Variants in NUP214 observed in about 807,000 individuals in gnomAD.
The protein encoded by NUP214 is nucleoporin 214.
NUP214 carries 79 observed loss-of-function variants against 196.2 expected under a neutral mutation model. The ratio of observed to expected loss-of-function variants is 0.40; its 90% confidence interval spans 0.34 to 0.49. The LOEUF is 0.49. Ranked by LOEUF, NUP214 falls within the 20% of genes least tolerant of loss-of-function variation. The pLI is 0.58. For missense variants in NUP214, 2,468 were observed against 2,539.0 expected (o/e 0.97, Z 0.60); for synonymous variants, 1,020 against 990.5 (o/e 1.03, Z -0.56).
rs918635967 is a variant in NUP214, at chr9:131,198,214, G to A, written c.4720G>A (p.Val1574Ile). The change falls in exon 29 of 36, where the codon GTC becomes ATC. Residue 1574 changes from valine to isoleucine, a missense_variant. Around this residue, in one of 5 missense-constraint regions of NUP214, gnomAD observed 1,801 missense variants for 1,779.4 expected, o/e 1.01. Transcript: ENST00000359428. ...SAEATPATTG[V>I]PDARTEAVPP... is the part of the protein sequence containing the mutation. Reference sequence around the variant, plus strand: ...AGAGGCTACCCCAGCCACCACGGGGGTCCCTGATGCCAGGACGGAGGCAGT... The same window carrying A: ...AGAGGCTACCCCAGCCACCACGGGGATCCCTGATGCCAGGACGGAGGCAGT... 6.2e-7 allele frequency: 1 copy of A among 1,614,232 alleles called. No homozygotes were observed. The highest frequency in any genetic ancestry group is 8.5e-7 in the Non-Finnish European group (1 of 1,180,042).
chr9:131,174,872 C>T lies in NUP214; in HGVS notation c.3157+554C>T, dbSNP rs916821458. Among the ~76,000 whole-genome samples the T allele has an allele frequency of 5.9e-5, 9 of 152,186 alleles. No homozygotes were observed. The South Asian group carries it at 1.0e-3, about 18-fold the overall frequency. ...AAGGAGATGGCTCTCCAAGTTTATG[C>T]GCTATAACAGTTTTTCTGCTGAGCC... On this transcript the variant is annotated intron_variant, in intron 22 of 35. Coordinates refer to ENST00000359428, the MANE Select transcript of NUP214 (RefSeq NM_005085.4).
intron 4 of NUP214, among the ~76,000 whole-genome samples, chr9:131,129,830 C>T (rs1831476869): frequency 6.6e-6 from 1 of 152,062 alleles, no homozygotes; most frequent in African/African-American, 2.4e-5. Context: ...TCTTGAACTC[C>T]TGACCTCAAG....
chr9:131,178,436 A>G, intron 24 of NUP214, 26 bp downstream of exon 24: 1 of 1,545,658 alleles, frequency 6.5e-7, no homozygotes, highest in Non-Finnish European at 8.9e-7. Flanking sequence ...AGTGTGTTTC[A>G]GCCCCTGGCT....
intron 31 of NUP214, among the ~76,000 whole-genome samples, chr9:131,221,394 T>C (rs1834551546): frequency 6.6e-6 from 1 of 152,186 alleles, no homozygotes; most frequent in Non-Finnish European, 1.5e-5. Context: ...CCTGGAAATT[T>C]GAGGTGACTG....
intron 9 of NUP214, among the ~76,000 whole-genome samples, chr9:131,136,252 C>A (rs1476641657): frequency 1.3e-5 from 2 of 152,208 alleles, no homozygotes; most frequent in African/African-American, 4.8e-5. Context: ...GTTGGCCAGG[C>A]TGGTCACAAA....
At chr9:131,163,214 A>C (rs898860214) in intron 19 of NUP214, 41 bp downstream of exon 19, 15 of 1,559,932 alleles carry the variant, frequency 9.6e-6, no homozygotes, top group Admixed American at 2.0e-5. Context: ...GGGTGAATGA[A>C]TGCATGAACA....
In NUP214 at chr9:131,163,931, A is replaced by G; in HGVS notation, c.2785A>G (p.Thr929Ala). ...ALLKTTIESHTKSLPKVPAKL... is the reference protein window; with the variant it reads ...ALLKTTIESHAKSLPKVPAKL... ...GTTGAAAACCACCATAGAATCTCAC[A>G]CCAAATCCTTGCCCAAAGTACCAGG... is the stretch of plus-strand genomic sequence containing the variant. The change falls in exon 20 of 36, where the codon ACC becomes GCC. Residue 929 changes from threonine to alanine, a missense_variant. This residue lies in a region of NUP214 where 1,801 missense variants were observed against 1,779.4 expected (regional missense o/e 1.01). Transcript: ENST00000359428. 1 of 1,614,198 alleles carries G rather than the reference A, an allele frequency of 6.2e-7. No homozygotes were observed. The highest frequency in any genetic ancestry group is 2.2e-5 in the East Asian group (1 of 44,874).
At position 131,128,473 on chromosome 9, in the gene NUP214, T is replaced by A; in HGVS notation, c.383T>A (p.Phe128Tyr). ...SIIAFFDVRT[F>Y]SNEAKQQKRP... ...ATTGCTTTTTTTGATGTTCGCACAT[T>A]CTCAAATGAGGTAAGCTACTGTTAT... is the stretch of plus-strand genomic sequence containing the variant. The change falls in exon 3 of 36, where the codon TTC becomes TAC. Residue 128 changes from phenylalanine to tyrosine, a missense_variant. Phe to Tyr is a conservative substitution (Grantham distance 22). Around this residue, in one of 5 missense-constraint regions of NUP214, gnomAD observed 392 missense variants for 417.9 expected, o/e 0.94. Transcript: ENST00000359428. 1 of 1,612,530 alleles carries A rather than the reference T, an allele frequency of 6.2e-7. No homozygotes were observed. Among genetic ancestry groups the A allele is most frequent in the Non-Finnish European group, 8.5e-7 (1 of 1,179,034 alleles).
At position 131,197,624 on chromosome 9, in the gene NUP214, C is replaced by A; in HGVS notation, c.4130C>A (p.Pro1377His). ...CCCTCAGGGTTTAATTTTACTGCCC[C>A]CCCGGTGTTAGGGAAGCACACGGAG... ...GVPSGFNFTAPPVLGKHTEPP... is the reference protein window; with the variant it reads ...GVPSGFNFTAHPVLGKHTEPP... The change falls in exon 29 of 36, where the codon CCC becomes CAC. Residue 1377 changes from proline (P) to histidine (H), a missense_variant. By Grantham distance (77) the Pro-to-His change is moderately conservative. This residue lies in a region of NUP214 where 1,801 missense variants were observed against 1,779.4 expected (regional missense o/e 1.01). Transcript: ENST00000359428. The A allele has an allele frequency of 6.2e-7, 1 of 1,614,140 alleles. No individual in the cohort carries two copies. The highest frequency in any genetic ancestry group is 8.5e-7 in the Non-Finnish European group (1 of 1,180,018).
rs1832226986 is a variant in NUP214, at chr9:131,150,547, A to G, written c.2128-69A>G. 4 of 1,591,242 alleles carry G rather than the reference A, an allele frequency of 2.5e-6. 1 individual carries two copies. On this transcript the variant is annotated intron_variant, in intron 15 of 35. Coordinates refer to ENST00000359428, the MANE Select transcript of NUP214 (RefSeq NM_005085.4). Reference sequence around the variant, plus strand: ...CATCCCAGCAGTCTGAGCAGTTAGTAAGCACGATAGCAGTGACATTACTGT... The same window carrying G: ...CATCCCAGCAGTCTGAGCAGTTAGTGAGCACGATAGCAGTGACATTACTGT...
intron 26 of NUP214, 199 bp from the exon 27 acceptor site, chr9:131,192,009 G>A (rs1055918999): frequency 2.7e-5 from 12 of 440,986 alleles, no homozygotes; most frequent in Admixed American, 2.0e-4. Flanking sequence ...ACAGAGCCAC[G>A]GAGCAATTTC....
At chr9:131,140,859 A>G in intron 11 of NUP214, 149 bp downstream of exon 11, 2 of 691,588 alleles carry the variant, frequency 2.9e-6, no homozygotes, top group Non-Finnish European at 4.6e-6. Context: ...CTTTTTTTTA[A>G]ACATGCATGT....
intron 30 of NUP214, among the ~76,000 whole-genome samples, chr9:131,213,751 C>CGTTGTTGT (rs1554740989): frequency 1.4e-5 from 2 of 147,532 alleles, no homozygotes; most frequent in Non-Finnish European, 3.0e-5. Flanking sequence ...TGAATTGGTA[C>CGTTGTTGT]TGTTGTTGTT....
chr9:131,182,054 A>G (rs1047069398), intron 24 of NUP214, among the ~76,000 whole-genome samples: 3 of 152,240 alleles, frequency 2.0e-5, no homozygotes, highest in Non-Finnish European at 4.4e-5. Flanking sequence ...CAGCACCACA[A>G]CATATCTTTT....
intron 23 of NUP214, 63 bp from the exon 24 acceptor site, chr9:131,178,248 G>A: frequency 7.6e-7 from 1 of 1,321,150 alleles, no homozygotes; most frequent in Admixed American, 1.8e-5. Context: ...ATTTATATGT[G>A]GCTAGAACTT....
intron 17 of NUP214, among the ~76,000 whole-genome samples, chr9:131,154,426 A>G (rs936857561): frequency 1.3e-5 from 2 of 151,626 alleles, no homozygotes; most frequent in Non-Finnish European, 2.9e-5. Context: ...CATTCTGTCT[A>G]TCTATCTGTC....
At position 131,144,625 on chromosome 9, in the gene NUP214, C is replaced by T. The variant is rs754369386; in HGVS notation, c.1640C>T (p.Ser547Phe). ...GTGGCTCCATCAGCTGCTTCATTCT[C>T]CTTTGGATCATCTGGTTTTAAGCCT... ...SPVAPSAASFSFGSSGFKPTL... is the reference protein window; with the variant it reads ...SPVAPSAASFFFGSSGFKPTL... Residue 547 changes from serine to phenylalanine, a missense_variant, in exon 12 of 36, where the codon TCC (serine) becomes TTC (phenylalanine). Transcript: ENST00000359428. 6.8e-6 allele frequency: 11 copies of T among 1,614,184 alleles called. No homozygotes were observed. Among genetic ancestry groups the T allele is most frequent in the African/African-American group, 1.3e-5 (1 of 75,058 alleles).
At chr9:131,220,231 C>A (rs183694495) in intron 31 of NUP214, among the ~76,000 whole-genome samples, 2 of 152,062 alleles carry the variant, frequency 1.3e-5, no homozygotes, top group African/African-American at 4.8e-5. Context: ...TTGTTCGGTC[C>A]GCCAAGATAT....
At position 131,220,769 on chromosome 9, in the gene NUP214, C is replaced by G. The variant is rs566460545; in HGVS notation, c.5750-2009C>G. ...GTGACACAGCTATTAGGTAATCTCA[C>G]CCGGGTCTGACTGCAAACTTCACTG... On this transcript the variant is annotated intron_variant, in intron 31 of 35. Coordinates refer to ENST00000359428, the MANE Select transcript of NUP214 (RefSeq NM_005085.4). Among the ~76,000 whole-genome samples, 57 of 152,312 alleles carry G rather than the reference C, an allele frequency of 3.7e-4. 1 individual carries two copies. In the South Asian group the frequency reaches 0.012, roughly 31 times the overall value.
Sources: allele counts gnomAD v4.1 joint callset (sites outside exome capture counted in the v4.1 genomes callset), GRCh38; gene constraint gnomAD v4.1.1; regional missense constraint gnomAD v4.1.1; transcripts MANE v1.5; gene names NCBI Gene and HGNC (gene_info 2026-07-23, HGNC 2026-07-21).